The following NXPE4 variants were observed in gnomAD, a reference collection of about 807,000 sequenced individuals.
NXPE4 encodes the protein NXPE family member 4.
A neutral mutation model predicts 33.3 loss-of-function variants in NXPE4; 42 were observed. The observed-to-expected ratio is 1.26, with a 90% CI of 0.98 to 1.63. The LOEUF (loss-of-function observed/expected upper bound fraction) is 1.63, where lower values mean the gene tolerates loss of function less well. Among genes scored for constraint, NXPE4 ranks in the 40% most tolerant of loss-of-function variants. The pLI is 0.00. For synonymous variants in NXPE4, 253 were observed against 234.9 expected, an observed-to-expected ratio of 1.08 and a Z score of -0.71; for missense variants, 709 against 647.6, an observed-to-expected ratio of 1.09 and a Z score of -1.03.
Position 114,570,838 on chromosome 11 carries a change from G to T in NXPE4, c.*100C>A. The T allele has an allele frequency of 4.0e-6, 3 of 748,308 alleles. No individual in the cohort carries two copies. The highest frequency in any genetic ancestry group is 6.5e-6 in the Non-Finnish European group (3 of 464,172). 46.4% of individuals were successfully genotyped at this position (748,308 alleles called of 1,614,324 possible). A position where few individuals can be genotyped will look rare whatever the true frequency, so the allele number is the denominator to read the frequency against. On this transcript the variant is annotated 3_prime_UTR_variant, in exon 6 of 6. Transcript: ENST00000375478. The stretch of plus-strand genomic sequence containing the variant: ...GCCATAATGTAGATTCTCTGCTCTT[G>T]CTAGTTGGGAATTCAGAGCCAAACA...
chr11:114,628,363 A>T, the NXPE4 span, among the ~76,000 whole-genome samples: 1 of 152,208 alleles, frequency 6.6e-6, no homozygotes, highest in Non-Finnish European at 1.5e-5. Context: ...AGGATTAAGA[A>T]TCTCACTCAA....
At chr11:114,624,408 A>G in the NXPE4 span, among the ~76,000 whole-genome samples, 1 of 152,214 alleles carries the variant, frequency 6.6e-6, no homozygotes, top group African/African-American at 2.4e-5. Flanking sequence ...CCTCATTGGT[A>G]ACCACTGTTA....
At chr11:114,624,132 G>T in the NXPE4 span, among the ~76,000 whole-genome samples, 2 of 152,102 alleles carry the variant, frequency 1.3e-5, no homozygotes, top group Admixed American at 6.5e-5. Flanking sequence ...GTTACCCATT[G>T]TAAAATAAGT....
At chr11:114,624,239 G>A in the NXPE4 span, among the ~76,000 whole-genome samples, 71 of 151,932 alleles carry the variant, frequency 4.7e-4, no homozygotes, top group Admixed American at 3.5e-3. Context: ...TTCCTCTAGG[G>A]TAATCACTGT....
At chr11:114,641,060 A>T in the NXPE4 span, among the ~76,000 whole-genome samples, 1 of 151,890 alleles carries the variant, frequency 6.6e-6, no homozygotes, top group Admixed American at 6.6e-5. Flanking sequence ...CAGAAAGAAG[A>T]ACCAGTTGAA....
the NXPE4 span, among the ~76,000 whole-genome samples, chr11:114,641,757 A>C: frequency 1.3e-5 from 2 of 152,092 alleles, no homozygotes; most frequent in Admixed American, 1.3e-4. Context: ...GTTCTAGTAC[A>C]TTTGATCAAG....
At chr11:114,625,853 C>A in the NXPE4 span, among the ~76,000 whole-genome samples, 1 of 152,144 alleles carries the variant, frequency 6.6e-6, no homozygotes, top group East Asian at 1.9e-4. Flanking sequence ...TGAGGCATTG[C>A]CTCACTCGGG....
At chr11:114,577,315 C>T (rs1433622607) in intron 5 of NXPE4, among the ~76,000 whole-genome samples, 1 of 151,556 alleles carries the variant, frequency 6.6e-6, no homozygotes, top group Non-Finnish European at 1.5e-5. Context: ...AACCAAGCAT[C>T]GTATGTTCTC....
the NXPE4 span, among the ~76,000 whole-genome samples, chr11:114,630,546 G>A: frequency 1.2e-4 from 18 of 151,518 alleles, no homozygotes; most frequent in African/African-American, 2.9e-4. Context: ...AGACTTAAAC[G>A]TTAGACCTAA....
chr11:114,578,465 T>C (rs960816719), intron 5 of NXPE4, among the ~76,000 whole-genome samples: 8 of 152,184 alleles, frequency 5.3e-5, no homozygotes, highest in African/African-American at 1.9e-4. Flanking sequence ...ACCCTGAATT[T>C]TGTAGATGAG....
the NXPE4 span, among the ~76,000 whole-genome samples, chr11:114,626,331 G>A: frequency 2.6e-5 from 4 of 152,346 alleles, no homozygotes; most frequent in East Asian, 7.7e-4. Flanking sequence ...GGAGATCTGA[G>A]AATGGGCAGA....
chr11:114,571,335 A>G lies in NXPE4; in HGVS notation c.1238T>C (p.Met413Thr). ...GTCAATGGCCCGGGTGAGGTACTCC[A>G]TCTCTTTGACTGAATAGGTCATTGA... ...IGSMTYSVKEMEYLTRAIDRT... is the reference protein window; with the variant it reads ...IGSMTYSVKETEYLTRAIDRT... Residue 413 changes from methionine (M) to threonine (T), a missense_variant, in exon 6 of 6, where the codon ATG becomes ACG. By Grantham distance (81) the Met-to-Thr change is moderately conservative. Coordinates refer to ENST00000375478, the MANE Select transcript of NXPE4 (RefSeq NM_001077639.2). 1.9e-6 allele frequency: 3 copies of G among 1,614,036 alleles called. No individual in the cohort carries two copies. Among genetic ancestry groups the G allele is most frequent in the South Asian group, 1.1e-5 (1 of 91,076 alleles).
the NXPE4 span, among the ~76,000 whole-genome samples, chr11:114,670,645 CTG>C: frequency 1.3e-5 from 2 of 151,860 alleles, no homozygotes; most frequent in Non-Finnish European, 2.9e-5. Context: ...TGAGATATGA[CTG>C]TACCACTGCA....
the NXPE4 span, among the ~76,000 whole-genome samples, chr11:114,619,431 CTG>C: frequency 4.0e-5 from 6 of 151,714 alleles, no homozygotes; most frequent in African/African-American, 1.5e-4. Flanking sequence ...TGGGTAACCA[CTG>C]TTACCCGGTG....
the NXPE4 span, among the ~76,000 whole-genome samples, chr11:114,635,798 C>T: frequency 1.3e-5 from 2 of 152,092 alleles, no homozygotes; most frequent in African/African-American, 2.4e-5. Context: ...ACCAGGCTTG[C>T]ATCCCAGGGA....
chr11:114,611,085 A>G, the NXPE4 span, among the ~76,000 whole-genome samples: 10 of 151,842 alleles, frequency 6.6e-5, no homozygotes, highest in African/African-American at 2.4e-4. Context: ...CTGGTGGATA[A>G]TAAGTGTTGC....
the NXPE4 span, among the ~76,000 whole-genome samples, chr11:114,630,314 C>G: frequency 1.3e-5 from 2 of 151,660 alleles, no homozygotes; most frequent in African/African-American, 2.4e-5. Flanking sequence ...GGTACTGGTA[C>G]CAAAATAGAG....
In NXPE4 at chr11:114,580,342, C is replaced by A. The variant is rs749469767; in HGVS notation, c.893-4G>T. ...TCTTTCATTGCAACTGTTTCTTCTG[C>A]CAAAGAATCAATGAGATAGGATCTT... On this transcript the variant is annotated splice_polypyrimidine_tract_variant and splice_region_variant and intron_variant, in intron 4 of 5. Coordinates refer to ENST00000375478, the MANE Select transcript of NXPE4 (RefSeq NM_001077639.2). The A allele has an allele frequency of 1.9e-6, 3 of 1,612,956 alleles. No homozygotes were observed. The Admixed American group carries it at 5.0e-5, about 27-fold the overall frequency.
At chr11:114,655,262 C>T in the NXPE4 span, among the ~76,000 whole-genome samples, 1 of 152,102 alleles carries the variant, frequency 6.6e-6, no homozygotes, top group African/African-American at 2.4e-5. Context: ...AATTTTCTCC[C>T]ATTCTGTAGG....
Sources: gnomAD v4.1 joint callset for allele counts (sites outside exome capture counted in the v4.1 genomes callset) on GRCh38, gnomAD v4.1.1 for gene constraint, MANE v1.5 for transcripts, NCBI Gene and HGNC (gene_info 2026-07-23, HGNC 2026-07-21) for gene names.